BBIP1: variants seen among roughly 807,000 people sequenced by gnomAD.
BBIP1 encodes BBSome-interacting protein 1.
BBIP1 carries 6 observed loss-of-function variants against 8.9 expected under a neutral mutation model. The ratio of observed to expected loss-of-function variants is 0.67; its 90% CI spans 0.37 to 1.33. The LOEUF (loss-of-function observed/expected upper bound fraction) is 1.33. BBIP1 is among the 40% of genes most tolerant of loss of function. BBIP1 has a pLI of 0.02. For missense variants in BBIP1, 111 were observed against 109.2 expected, an observed-to-expected ratio of 1.02 and a Z score of -0.07; for synonymous variants, 32 against 33.4, an observed-to-expected ratio of 0.96 and a Z score of 0.14.
intron 2 of BBIP1, among the ~76,000 whole-genome samples, chr10:110,905,677 GTAT>G (rs1846115461): frequency 6.6e-6 from 1 of 152,002 alleles, no homozygotes; most frequent in African/African-American, 2.4e-5. Context: ...CTTGGAGAAT[GTAT>G]TATTAGTGGT....
At chr10:110,901,449 G>A (rs750963589) in intron 3 of BBIP1, 89 bp downstream of exon 3, 2 of 859,476 alleles carry the variant, frequency 2.3e-6, no homozygotes, top group Non-Finnish European at 3.8e-6. Context: ...AGCTGCAGAT[G>A]TTTAGCTATT....
At chr10:110,911,082 G>A (rs1590755796) in intron 2 of BBIP1, 1 of 152,138 alleles carries the variant, frequency 6.6e-6, no homozygotes, top group East Asian at 1.9e-4. Flanking sequence ...GAGATGGCTG[G>A]TGCATTAAAG....
At position 110,900,370 on chromosome 10, in the gene BBIP1, A is replaced by G; in HGVS notation, c.269T>C (p.Ile90Thr). The G allele has an allele frequency of 6.5e-7, 1 of 1,534,462 alleles. No individual in the cohort carries two copies. Among genetic ancestry groups the G allele is most frequent in the Non-Finnish European group, 8.7e-7 (1 of 1,146,658 alleles). Residue 90 changes from isoleucine (I) to threonine (T), a missense_variant, in exon 4 of 4, where the codon ATA becomes ACA. Coordinates refer to ENST00000448814, the MANE Select transcript of BBIP1 (RefSeq NM_001195305.3). Reference protein sequence around the residue: ...QEMAEKDQRQITH With the variant: ...QEMAEKDQRQTTH ...GTGCTCAGTTATCATTCAGTGGGTTATTTGCCGTTGATCCTTTTCTGCCAT... is the reference window on the plus strand; with the variant it reads ...GTGCTCAGTTATCATTCAGTGGGTTGTTTGCCGTTGATCCTTTTCTGCCAT...
chr10:110,915,624 T>C (rs1412332008), intron 2 of BBIP1, among the ~76,000 whole-genome samples: 3 of 152,248 alleles, frequency 2.0e-5, no homozygotes, highest in Non-Finnish European at 4.4e-5. Flanking sequence ...CTCCATGTGC[T>C]ATAAACCGAG....
rs75958421 is a variant in BBIP1 at position 110,909,716 on chromosome 10, G to A, written c.38-8104C>T. 7.9e-3 allele frequency among the ~76,000 whole-genome samples: 1,201 copies of A among 152,292 alleles called. 20 individuals carry two copies. The highest frequency in any genetic ancestry group is 0.026 in the African/African-American group (1,072 of 41,558). On this transcript the variant is annotated intron_variant, in intron 2 of 3. Transcript: ENST00000448814. ...TGAGTTAATAGGCCAAATTAATGCT[G>A]TACCTTGTATTCTATTTGGAAATAA...
At chr10:110,914,322 A>G (rs1283007531) in intron 2 of BBIP1, among the ~76,000 whole-genome samples, 1 of 151,896 alleles carries the variant, frequency 6.6e-6, no homozygotes, top group African/African-American at 2.4e-5. Flanking sequence ...CAACCTGCCT[A>G]GTGTGGGGGT....
At chr10:110,918,655 G>C (rs1222525858) in intron 1 of BBIP1, among the ~76,000 whole-genome samples, 4 of 152,212 alleles carry the variant, frequency 2.6e-5, no homozygotes, top group Non-Finnish European at 5.9e-5. Flanking sequence ...CTCTGGCTGG[G>C]TTAGGGCGGC....
At chr10:110,907,696 C>A (rs1245525406) in intron 2 of BBIP1, 1 of 696,068 alleles carries the variant, frequency 1.4e-6, no homozygotes, top group Non-Finnish European at 2.6e-6. Flanking sequence ...TGCTTGTATA[C>A]CCCTCCGATT....
Position 110,918,120 on chromosome 10 carries a change from C to T in BBIP1, c.37+1G>A, listed in dbSNP as rs1846471232. 1 of 1,535,714 alleles carries T rather than the reference C, an allele frequency of 6.5e-7. No homozygotes were observed. Among genetic ancestry groups the T allele is most frequent in the African/African-American group, 1.4e-5 (1 of 73,144 alleles). ...TGGATATTAACCATTTTCAATTTTA[C>T]CTGAAAGTTCTGGTCTTTTTGCTGC... On this transcript the variant is annotated splice_donor_variant, in intron 2 of 3. Coordinates refer to ENST00000448814, the MANE Select transcript of BBIP1 (RefSeq NM_001195305.3). LOFTEE classifies it high-confidence loss of function.
intron 2 of BBIP1, among the ~76,000 whole-genome samples, chr10:110,908,767 C>A: frequency 7.1e-6 from 1 of 140,784 alleles, no homozygotes. Flanking sequence ...GCACATGGTG[C>A]ATTATGGGGG....
chr10:110,905,716 C>T (rs2134027055), intron 2 of BBIP1, among the ~76,000 whole-genome samples: 1 of 152,150 alleles, frequency 6.6e-6, no homozygotes, highest in African/African-American at 2.4e-5. Context: ...TTGCATACTC[C>T]CAAAGAGATT....
intron 2 of BBIP1, among the ~76,000 whole-genome samples, chr10:110,905,754 C>T (rs1231575199): frequency 6.6e-6 from 1 of 152,094 alleles, no homozygotes; most frequent in Non-Finnish European, 1.5e-5. Context: ...ACTTCATACA[C>T]TGATGTTTAA....
rs973935747 is a variant in BBIP1, at chr10:110,899,380, C to T, written c.*980G>A. ...TATTACCTCAGCTTATATATAGTTA[C>T]CATTTTTAGGTTTTTAATTGTTTGA... On this transcript the variant is annotated 3_prime_UTR_variant, in exon 4 of 4. Coordinates refer to ENST00000448814, the MANE Select transcript of BBIP1 (RefSeq NM_001195305.3). The T allele has an allele frequency of 1.3e-5, 2 of 152,126 alleles. No homozygotes were observed. Among genetic ancestry groups the T allele is most frequent in the African/African-American group, 4.8e-5 (2 of 41,426 alleles). The allele number at this position is 152,126 out of a possible 1,614,324, so 9.4% of individuals were successfully genotyped here. A position where few individuals can be genotyped will look rare whatever the true frequency, so the allele number is the denominator to read the frequency against.
chr10:110,916,849 A>G (rs866124367), intron 2 of BBIP1, among the ~76,000 whole-genome samples: 10 of 152,354 alleles, frequency 6.6e-5, no homozygotes, highest in Middle Eastern at 3.4e-3. Context: ...TACTCTATAC[A>G]CACAGGATTA....
intron 2 of BBIP1, among the ~76,000 whole-genome samples, chr10:110,909,621 T>A (rs1846226719): frequency 6.6e-6 from 1 of 152,210 alleles, no homozygotes. Flanking sequence ...CTATTACATA[T>A]TTGGGAAAAG....
At chr10:110,918,324 C>T (rs1380668547) in intron 1 of BBIP1, 111 bp from the exon 2 acceptor site, 5 of 606,576 alleles carry the variant, frequency 8.2e-6, no homozygotes, top group Non-Finnish European at 1.2e-5. Flanking sequence ...GGAATCCCAC[C>T]ACCAGAACCG....
intron 2 of BBIP1, 38 bp downstream of exon 2, chr10:110,918,083 T>C (rs752139462): frequency 6.6e-7 from 1 of 1,521,982 alleles, no homozygotes; most frequent in Non-Finnish European, 8.8e-7. Context: ...TGCATCTGTA[T>C]TGTTGACTGG....
intron 2 of BBIP1, chr10:110,910,552 A>T (rs1262217300): frequency 6.6e-6 from 1 of 152,216 alleles, no homozygotes; most frequent in Non-Finnish European, 1.5e-5. Context: ...TTGTTTAGGT[A>T]AGATGATGAA....
chr10:110,914,192 T>A (rs1487151750), intron 2 of BBIP1, among the ~76,000 whole-genome samples: 1 of 152,092 alleles, frequency 6.6e-6, no homozygotes, highest in Non-Finnish European at 1.5e-5. Flanking sequence ...AAAAATACAA[T>A]CTCTGGGAAC....
Sources: allele counts gnomAD v4.1 joint callset (sites outside exome capture counted in the v4.1 genomes callset), GRCh38; gene constraint gnomAD v4.1.1; transcripts MANE v1.5; gene names NCBI Gene and HGNC (gene_info 2026-07-23, HGNC 2026-07-21).